Variants in MGRN1 observed in about 807,000 individuals in gnomAD.
MGRN1 encodes mahogunin ring finger 1.
MGRN1 carries 29 observed loss-of-function variants against 69.2 expected under a neutral mutation model. The observed-to-expected ratio is 0.42, with a 90% confidence interval of 0.31 to 0.57. The LOEUF (loss-of-function observed/expected upper bound fraction) is 0.57, where lower values mean the gene tolerates loss of function less well. Among genes scored for constraint, MGRN1 ranks in the 20% least tolerant of loss-of-function variants. MGRN1 has a pLI of 0.15. For missense variants in MGRN1, 998 were observed against 796.2 expected (o/e 1.25, Z -3.05); for synonymous variants, 470 against 344.2 (o/e 1.37, Z -4.04).
chr16:4,660,306 C>T (rs562478647), intron 5 of MGRN1, among the ~76,000 whole-genome samples: 4 of 152,238 alleles, frequency 2.6e-5, no homozygotes, highest in Middle Eastern at 3.2e-3. Flanking sequence ...AGGGTGGCCA[C>T]GAGGGGTCCG....
At chr16:4,626,884 C>T (rs1293179069) in intron 1 of MGRN1, among the ~76,000 whole-genome samples, 3 of 152,210 alleles carry the variant, frequency 2.0e-5, no homozygotes, top group Non-Finnish European at 4.4e-5. Flanking sequence ...GTCATGTTGC[C>T]AGTGCCAGCA....
At chr16:4,638,899 C>T (rs1028877914) in intron 1 of MGRN1, among the ~76,000 whole-genome samples, 6 of 152,166 alleles carry the variant, frequency 3.9e-5, no homozygotes, top group African/African-American at 1.4e-4. Context: ...TGTCCCGGGT[C>T]CCTGGGCCGC....
At chr16:4,659,512 G>C (rs1646258451) in intron 5 of MGRN1, among the ~76,000 whole-genome samples, 2 of 152,232 alleles carry the variant, frequency 1.3e-5, no homozygotes, top group Admixed American at 6.5e-5. Context: ...TTAGGGCCCA[G>C]AGAGGGTTGG....
intron 12 of MGRN1, among the ~76,000 whole-genome samples, chr16:4,680,872 G>A (rs901168970): frequency 5.3e-5 from 8 of 152,134 alleles, no homozygotes; most frequent in Non-Finnish European, 1.0e-4. Flanking sequence ...CCAGGAGCTC[G>A]GTCAGGCAGG....
intron 7 of MGRN1, 147 bp downstream of exon 7, chr16:4,665,298 G>C (rs2078777006): frequency 1.3e-6 from 1 of 760,948 alleles, no homozygotes; most frequent in African/African-American, 1.7e-5. Flanking sequence ...CGTGTCTGTG[G>C]CTTCCTGCTT....
In MGRN1 at chr16:4,689,117, A is replaced by G; in HGVS notation, c.*209A>G. 1 of 637,092 alleles carries G rather than the reference A, an allele frequency of 1.6e-6. No homozygotes were observed. Among genetic ancestry groups the G allele is most frequent in the Non-Finnish European group, 2.5e-6 (1 of 406,126 alleles). 39.5% of individuals were successfully genotyped at this position (637,092 alleles called of 1,614,324 possible). The stretch of plus-strand genomic sequence containing the variant: ...TACAGTTGATATATTTGTAACTGGT[A>G]CAAGATGAAGGACAGCAGCTTTCCA... On this transcript the variant is annotated 3_prime_UTR_variant, in exon 17 of 17. Transcript: ENST00000262370.
chr16:4,681,630 C>G lies in MGRN1; in HGVS notation c.1212C>G (p.Ala404=). Residue 404 remains alanine (A), a synonymous_variant, in exon 13 of 17, where the codon GCC becomes GCG. Transcript: ENST00000262370. ...ALNGLRAVSP[A]IPSAPLYEEI... ...ACGGCCTCCGGGCTGTCTCCCCGGC[C>G]ATCCCCTCGGCCCCTCTTTATGAAG... 6.2e-7 allele frequency: 1 copy of G among 1,613,526 alleles called. No homozygotes were observed. The highest frequency in any genetic ancestry group is 8.5e-7 in the Non-Finnish European group (1 of 1,180,020).
chr16:4,645,430 A>T (rs1486368266), intron 1 of MGRN1, among the ~76,000 whole-genome samples: 1 of 152,092 alleles, frequency 6.6e-6, no homozygotes, highest in Non-Finnish European at 1.5e-5. Flanking sequence ...TGATCTTCCA[A>T]AGCGCCCAGG....
intron 1 of MGRN1, among the ~76,000 whole-genome samples, chr16:4,647,077 C>T (rs923321539): frequency 6.6e-6 from 1 of 152,246 alleles, no homozygotes; most frequent in South Asian, 2.1e-4. Flanking sequence ...CTGGGCTGGT[C>T]AGCAGGGTCA....
chr16:4,659,031 G>A (rs528702733), intron 5 of MGRN1: 1 of 152,278 alleles, frequency 6.6e-6, no homozygotes, highest in Non-Finnish European at 1.5e-5. Context: ...GGGACCACCA[G>A]GTTGTCTAAG....
intron 1 of MGRN1, among the ~76,000 whole-genome samples, chr16:4,648,067 C>T (rs1168938432): frequency 6.6e-6 from 1 of 152,140 alleles, no homozygotes; most frequent in Non-Finnish European, 1.5e-5. Flanking sequence ...CGGGAAGGGC[C>T]CACCTGGCCT....
chr16:4,685,308 C>T (rs1432992894), intron 16 of MGRN1, among the ~76,000 whole-genome samples: 2 of 152,254 alleles, frequency 1.3e-5, no homozygotes, highest in Non-Finnish European at 2.9e-5. Context: ...ATCTCAGAGG[C>T]TGCGCCTCCC....
chr16:4,668,456 T>A, intron 8 of MGRN1, 144 bp downstream of exon 8: 1 of 820,764 alleles, frequency 1.2e-6, no homozygotes, highest in South Asian at 1.7e-5. Flanking sequence ...CACATTCACT[T>A]GCACATATAT....
Position 4,683,326 on chromosome 16 carries a change from T to A in MGRN1, c.1528+57T>A, listed in dbSNP as rs144376796. The A allele has an allele frequency of 7.1e-4, 1,140 of 1,594,638 alleles. 10 individuals are homozygous for A. The East Asian group carries it at 0.016, about 23-fold the overall frequency. On this transcript the variant is annotated intron_variant, in intron 15 of 16. Transcript: ENST00000262370. ...ATGCAGGGACCAGGCAGCCCTGGCT[T>A]ACTGGGGCCTTAGGGCTCCAGGTGG... is the stretch of plus-strand genomic sequence containing the variant.
chr16:4,687,117 G>T (rs982152039), intron 16 of MGRN1: 57 of 985,314 alleles, frequency 5.8e-5, no homozygotes, highest in Admixed American at 4.9e-4. Flanking sequence ...TGAGCCCACT[G>T]CTGCCGACTC....
At chr16:4,675,362 C>A (rs899459965) in intron 10 of MGRN1, among the ~76,000 whole-genome samples, 1 of 152,090 alleles carries the variant, frequency 6.6e-6, no homozygotes, top group East Asian at 1.9e-4. Flanking sequence ...CCTCGTGCCT[C>A]CTAAAGTGTT....
At chr16:4,673,736 G>A in intron 10 of MGRN1, 79 bp downstream of exon 10, 7 of 1,532,358 alleles carry the variant, frequency 4.6e-6, no homozygotes, top group Non-Finnish European at 6.2e-6. Context: ...CTGGGATAGG[G>A]GGCCACAGGT....
At chr16:4,639,571 A>C (rs1464967852) in intron 1 of MGRN1, among the ~76,000 whole-genome samples, 1 of 152,170 alleles carries the variant, frequency 6.6e-6, no homozygotes, top group Non-Finnish European at 1.5e-5. Flanking sequence ...CCTGCCTATG[A>C]CTTGGGCATC....
In MGRN1 at chr16:4,673,518, C is replaced by T. The variant is rs367993132; in HGVS notation, c.816C>T (p.Ser272=). 30 of 1,613,190 alleles carry T rather than the reference C, an allele frequency of 1.9e-5. No individual in the cohort carries two copies. Among genetic ancestry groups the T allele is most frequent in the African/African-American group, 6.7e-5 (5 of 74,910 alleles). ...QETKPSDDEN[S]DNSNECVVCL... is the part of the protein sequence containing the mutation. The stretch of plus-strand genomic sequence containing the variant: ...GGCAGCCCTCGGACGACGAGAACAG[C>T]GACAACAGCAACGAGTGTGTGGTGT... The change falls in exon 10 of 17, where the codon AGC becomes AGT. Residue 272 remains serine, a synonymous_variant. Coordinates refer to ENST00000262370, the MANE Select transcript of MGRN1 (RefSeq NM_015246.4).
Sources: allele counts gnomAD v4.1 joint callset (sites outside exome capture counted in the v4.1 genomes callset), GRCh38; gene constraint gnomAD v4.1.1; transcripts MANE v1.5; gene names NCBI Gene and HGNC (gene_info 2026-07-23, HGNC 2026-07-21).